CUX2: variants seen among roughly 807,000 people sequenced by gnomAD.
CUX2 encodes the protein cut like homeobox 2, also known as homeobox protein cut-like 2.
In CUX2, 40 loss-of-function variants were observed where a neutral mutation model predicts 144.8. That is an observed-to-expected ratio of 0.28 (90% CI 0.21 to 0.36). The LOEUF (loss-of-function observed/expected upper bound fraction) is 0.36. Ranked by LOEUF, CUX2 falls within the 10% of genes least tolerant of loss-of-function variation. The probability of loss-of-function intolerance (pLI) is 1.00; values close to 1 mark genes in which losing one functional copy is unlikely to be tolerated. For synonymous variants in CUX2, 827 were observed against 875.6 expected, an observed-to-expected ratio of 0.94 and a Z score of 0.98; for missense variants, 1,615 against 1,994.0, an observed-to-expected ratio of 0.81 and a Z score of 3.62.
At chr12:111,064,376 T>A (rs1870936868) in intron 1 of CUX2, among the ~76,000 whole-genome samples, 1 of 152,204 alleles carries the variant, frequency 6.6e-6, no homozygotes, top group Admixed American at 6.5e-5. Flanking sequence ...AATAACTTCC[T>A]CGTAGGGCTA....
chr12:111,338,303 G>A lies in CUX2; in HGVS notation c.3214G>A (p.Glu1072Lys). ...DNNLGQRLFGESILGLTQGSV... is the reference protein window; with the variant it reads ...DNNLGQRLFGKSILGLTQGSV... ...ATCCCCAGGGCAGCGGCTGTTTGGG[G>A]AAAGCATCCTGGGTCTGACACAGGG... is the stretch of plus-strand genomic sequence containing the variant. Residue 1072 changes from glutamate to lysine, a missense_variant, in exon 20 of 22, where the codon GAA becomes AAA. Coordinates refer to ENST00000261726, the MANE Select transcript of CUX2 (RefSeq NM_015267.4). The A allele has an allele frequency of 1.2e-6, 2 of 1,610,604 alleles. No homozygotes were observed. Among genetic ancestry groups the A allele is most frequent in the South Asian group, 1.1e-5 (1 of 90,882 alleles).
chr12:111,237,888 G>A (rs1882836694), intron 3 of CUX2, among the ~76,000 whole-genome samples: 1 of 152,204 alleles, frequency 6.6e-6, no homozygotes, highest in South Asian at 2.1e-4. Context: ...CTGGCACTAT[G>A]GACACTTTGG....
At chr12:111,165,100 T>C (rs900341251) in intron 1 of CUX2, among the ~76,000 whole-genome samples, 2 of 152,224 alleles carry the variant, frequency 1.3e-5, no homozygotes, top group Non-Finnish European at 2.9e-5. Context: ...ATTCCCTTTT[T>C]TTCTTAAGCT....
intron 1 of CUX2, among the ~76,000 whole-genome samples, chr12:111,103,759 C>T (rs763502781): frequency 6.6e-5 from 10 of 152,184 alleles, no homozygotes; most frequent in Non-Finnish European, 1.3e-4. Context: ...TGACCTGAAA[C>T]GGTCAGGTGT....
At chr12:111,041,007 T>C (rs1186050151) in intron 1 of CUX2, among the ~76,000 whole-genome samples, 1 of 152,146 alleles carries the variant, frequency 6.6e-6, no homozygotes. Context: ...TTAAAGTGGA[T>C]CAAACTCAGT....
intron 1 of CUX2, among the ~76,000 whole-genome samples, chr12:111,111,047 A>G (rs1873919102): frequency 6.6e-6 from 1 of 152,204 alleles, no homozygotes; most frequent in African/African-American, 2.4e-5. Flanking sequence ...GACGCCTGTA[A>G]TCCCAGCACT....
At chr12:111,066,323 C>T (rs1434921135) in intron 1 of CUX2, among the ~76,000 whole-genome samples, 1 of 152,188 alleles carries the variant, frequency 6.6e-6, no homozygotes, top group Non-Finnish European at 1.5e-5. Flanking sequence ...ATAGTGGGAG[C>T]ATTTCAGGTT....
Position 111,186,953 on chromosome 12 carries a change from ATT to A in CUX2, c.64-27243_64-27242del, listed in dbSNP as rs1359004225. ...GCCACCATGCCTGGCTAATTTTTGT[ATT>A]TTTGGTAGAGATGGGGTTTTGCCAT... On this transcript the variant is annotated intron_variant, in intron 1 of 21. Coordinates refer to ENST00000261726, the MANE Select transcript of CUX2 (RefSeq NM_015267.4). The surrounding 1 kb of genome is among the most constrained non-coding windows in gnomAD (Gnocchi z 4.4). 6.6e-6 allele frequency among the ~76,000 whole-genome samples: 1 copy of A among 151,830 alleles called. No individual in the cohort carries two copies. The highest frequency in any genetic ancestry group is 1.5e-5 in the Non-Finnish European group (1 of 67,962).
At chr12:111,280,359 A>T (rs553206567) in intron 4 of CUX2, among the ~76,000 whole-genome samples, 1 of 152,296 alleles carries the variant, frequency 6.6e-6, no homozygotes, top group Non-Finnish European at 1.5e-5. Context: ...GATCGAAGTC[A>T]TGCAGCTGCA....
intron 9 of CUX2, among the ~76,000 whole-genome samples, chr12:111,301,521 T>G (rs1467260872): frequency 6.6e-6 from 1 of 151,900 alleles, no homozygotes; most frequent in Non-Finnish European, 1.5e-5. Flanking sequence ...GTAGCTTTTT[T>G]TTTTTCTTTT....
intron 1 of CUX2, among the ~76,000 whole-genome samples, chr12:111,148,634 G>C (rs999757825): frequency 4.6e-5 from 7 of 152,178 alleles, no homozygotes; most frequent in African/African-American, 1.7e-4. Flanking sequence ...TAATGCTGCA[G>C]TGCGTACGTG....
intron 10 of CUX2, among the ~76,000 whole-genome samples, chr12:111,306,303 G>T (rs1886577461): frequency 6.7e-6 from 1 of 148,478 alleles, no homozygotes; most frequent in Admixed American, 6.7e-5. Flanking sequence ...GCTGGGGTTG[G>T]GTTGGGGCTT....
At chr12:111,091,927 C>G (rs1057138417) in intron 1 of CUX2, among the ~76,000 whole-genome samples, 3 of 152,202 alleles carry the variant, frequency 2.0e-5, no homozygotes, top group African/African-American at 7.2e-5. Flanking sequence ...CACCCTAATC[C>G]GATATGCTCT....
chr12:111,201,378 A>G (rs1880580295), intron 1 of CUX2, among the ~76,000 whole-genome samples: 1 of 152,032 alleles, frequency 6.6e-6, no homozygotes, highest in African/African-American at 2.4e-5. Flanking sequence ...CCTTGGTCCC[A>G]CAACTTCCCA....
At chr12:111,251,177 T>C (rs1883542347) in intron 3 of CUX2, among the ~76,000 whole-genome samples, 1 of 152,200 alleles carries the variant, frequency 6.6e-6, no homozygotes, top group Non-Finnish European at 1.5e-5. Context: ...TGTGCTTCGG[T>C]GCATGGATGC....
At chr12:111,316,056 T>C (rs1887174129) in intron 16 of CUX2, among the ~76,000 whole-genome samples, 1 of 152,192 alleles carries the variant, frequency 6.6e-6, no homozygotes, top group South Asian at 2.1e-4. Context: ...TTTTGTGCTT[T>C]TTTTTGCATG....
intron 3 of CUX2, among the ~76,000 whole-genome samples, chr12:111,245,969 A>G (rs1419115543): frequency 2.0e-5 from 3 of 152,186 alleles, no homozygotes; most frequent in Admixed American, 2.0e-4. Flanking sequence ...TCTGTAAGCC[A>G]TCTGAAGGAG....
At position 111,280,344 on chromosome 12, in the gene CUX2, G is replaced by T. The variant is rs191714101; in HGVS notation, c.302-11074G>T. Among the ~76,000 whole-genome samples the T allele has an allele frequency of 2.0e-3, 308 of 152,202 alleles. 2 individuals are homozygous for T. Among genetic ancestry groups the T allele is most frequent in the Admixed American group, 4.2e-3 (64 of 15,278 alleles). On this transcript the variant is annotated intron_variant, in intron 4 of 21. Coordinates refer to ENST00000261726, the MANE Select transcript of CUX2 (RefSeq NM_015267.4). ...GACAGAAGGTCACATGACAACGAAG[G>T]CTGAGATCGAAGTCATGCAGCTGCA... is the stretch of plus-strand genomic sequence containing the variant.
At chr12:111,165,896 C>T (rs1463661941) in intron 1 of CUX2, among the ~76,000 whole-genome samples, 1 of 152,196 alleles carries the variant, frequency 6.6e-6, no homozygotes, top group Admixed American at 6.5e-5. Flanking sequence ...ATTTAAATTG[C>T]TATCCACAGT....
Sources: allele counts gnomAD v4.1 joint callset (sites outside exome capture counted in the v4.1 genomes callset), GRCh38; gene constraint gnomAD v4.1.1; non-coding constraint Gnocchi (gnomAD v3.1); transcripts MANE v1.5; gene names NCBI Gene and HGNC (gene_info 2026-07-23, HGNC 2026-07-21).